The following ACSM3 variants were observed in gnomAD, a reference collection of about 807,000 sequenced individuals.
ACSM3 encodes the protein acyl-CoA synthetase medium chain family member 3.
A neutral mutation model predicts 74.1 loss-of-function variants in ACSM3; 61 were observed. The ratio of observed to expected loss-of-function variants is 0.82; its 90% CI spans 0.67 to 1.02. ACSM3 has a LOEUF of 1.02. Ranked by LOEUF, ACSM3 falls within the 50% of genes least tolerant of loss-of-function variation. The pLI is 0.00. For missense variants in ACSM3, 660 were observed against 697.0 expected (o/e 0.95, Z 0.60); for synonymous variants, 213 against 241.5 (o/e 0.88, Z 1.09).
Position 20,790,710 on chromosome 16 carries a change from C to A in ACSM3, c.1326+22C>A, listed in dbSNP as rs369238355. On this transcript the variant is annotated intron_variant, in intron 10 of 13. Transcript: ENST00000289416. The surrounding 1 kb of genome is among the most constrained non-coding windows in gnomAD (Gnocchi z 4.0). ...CGTAGTAAGTGACTTACTAAATAATCTCATTTTCTATTTATTTCTCAAGTG... is the reference window on the plus strand; with the variant it reads ...CGTAGTAAGTGACTTACTAAATAATATCATTTTCTATTTATTTCTCAAGTG... 1.9e-6 allele frequency: 3 copies of A among 1,613,840 alleles called. No homozygotes were observed. In the African/African-American group the frequency reaches 4.0e-5, roughly 22 times the overall value.
intron 2 of ACSM3, among the ~76,000 whole-genome samples, chr16:20,753,020 C>T (rs900893672): frequency 8.6e-5 from 13 of 151,524 alleles, no homozygotes; most frequent in South Asian, 2.1e-4. Flanking sequence ...AGGACAATGC[C>T]GTATGTTCTA....
chr16:20,705,615 A>T (rs2079725232), intron 1 of ACSM3, among the ~76,000 whole-genome samples: 1 of 152,164 alleles, frequency 6.6e-6, no homozygotes. Flanking sequence ...AAATGAATAA[A>T]CAAAACAAAA....
At chr16:20,775,188 G>C (rs2080241160) in intron 2 of ACSM3, among the ~76,000 whole-genome samples, 1 of 152,124 alleles carries the variant, frequency 6.6e-6, no homozygotes, top group African/African-American at 2.4e-5. Flanking sequence ...TGGAGATGCA[G>C]GGGCAATTGG....
intron 1 of ACSM3, chr16:20,729,581 C>G: frequency 5.4e-6 from 2 of 370,276 alleles, no homozygotes; most frequent in African/African-American, 2.1e-5. Flanking sequence ...ATTAAAGTAG[C>G]AACTTTATAT....
chr16:20,779,564 T>C (rs1388531078), intron 4 of ACSM3, among the ~76,000 whole-genome samples: 1 of 152,112 alleles, frequency 6.6e-6, no homozygotes, highest in Non-Finnish European at 1.5e-5. Flanking sequence ...AGACACTTGA[T>C]ATGTATGTGT....
intron 1 of ACSM3, among the ~76,000 whole-genome samples, chr16:20,699,649 G>A (rs1238235669): frequency 6.6e-6 from 1 of 152,110 alleles, no homozygotes; most frequent in African/African-American, 2.4e-5. Context: ...GAAAAGAATG[G>A]AGACGGGGGA....
At chr16:20,728,876 G>A (rs2079816353) in intron 1 of ACSM3, among the ~76,000 whole-genome samples, 1 of 152,288 alleles carries the variant, frequency 6.6e-6, no homozygotes, top group South Asian at 2.1e-4. Flanking sequence ...GGAGGCTGAG[G>A]TGGGAGGGTG....
chr16:20,695,078 G>A (rs137933301), intron 1 of ACSM3, among the ~76,000 whole-genome samples: 5 of 152,262 alleles, frequency 3.3e-5, no homozygotes, highest in African/African-American at 7.2e-5. Flanking sequence ...AAGAAGAAAT[G>A]ACTTTGGCAT....
At chr16:20,774,281 CA>C (rs572012236) in intron 2 of ACSM3, among the ~76,000 whole-genome samples, 1,350 of 133,304 alleles carry the variant, frequency 0.01, 27 homozygotes, top group African/African-American at 0.036. Context: ...CTCACTCTGT[CA>C]CCAGGCTGGA....
At chr16:20,733,744 A>G (rs2079845641) in intron 1 of ACSM3, 1 of 152,136 alleles carries the variant, frequency 6.6e-6, no homozygotes, top group South Asian at 2.1e-4. Flanking sequence ...TGGCCGTACC[A>G]AAAGCAAAAT....
At chr16:20,680,232 C>T (rs572424755) in intron 1 of ACSM3, 1 of 152,216 alleles carries the variant, frequency 6.6e-6, no homozygotes. Context: ...ACAGGACAGA[C>T]AGCACTATAA....
intron 1 of ACSM3, among the ~76,000 whole-genome samples, chr16:20,687,696 C>A (rs535832363): frequency 1.3e-5 from 2 of 148,684 alleles, no homozygotes; most frequent in African/African-American, 5.0e-5. Flanking sequence ...GCTCAAAGAG[C>A]TAAAGGAAAC....
chr16:20,720,680 C>T (rs2079782223), intron 1 of ACSM3, among the ~76,000 whole-genome samples: 1 of 152,126 alleles, frequency 6.6e-6, no homozygotes. Flanking sequence ...TTACAAAGTG[C>T]CCTAAAGTTG....
intron 1 of ACSM3, among the ~76,000 whole-genome samples, chr16:20,722,716 C>A (rs983224982): frequency 6.6e-6 from 1 of 152,070 alleles, no homozygotes; most frequent in Non-Finnish European, 1.5e-5. Context: ...TAACTTGCAG[C>A]CCTGAGGAAG....
At chr16:20,775,432 C>A (rs1483693093) in intron 2 of ACSM3, among the ~76,000 whole-genome samples, 2 of 152,146 alleles carry the variant, frequency 1.3e-5, no homozygotes, top group African/African-American at 4.8e-5. Context: ...GGAATGTGTA[C>A]TGCTGAGGAT....
At chr16:20,684,941 G>T (rs1048500230) in intron 1 of ACSM3, among the ~76,000 whole-genome samples, 1 of 152,168 alleles carries the variant, frequency 6.6e-6, no homozygotes, top group African/African-American at 2.4e-5. Flanking sequence ...AAGAGAATTT[G>T]TGAGGGAGTA....
chr16:20,685,078 G>T, intron 1 of ACSM3: 4 of 1,091,008 alleles, frequency 3.7e-6, no homozygotes, highest in Non-Finnish European at 4.1e-6. Context: ...AGAAACTGGG[G>T]CGAAGGCTTC....
chr16:20,752,165 G>T (rs890824404), intron 2 of ACSM3, among the ~76,000 whole-genome samples: 2 of 152,006 alleles, frequency 1.3e-5, no homozygotes, highest in African/African-American at 2.4e-5. Context: ...TCTCCAGCCT[G>T]GGCGACAGAG....
At chr16:20,682,249 G>A in intron 1 of ACSM3, 1 of 1,611,936 alleles carries the variant, frequency 6.2e-7, no homozygotes, top group Non-Finnish European at 8.5e-7. Context: ...TCAGACCAGA[G>A]ACTCACTTAA....
Sources: gnomAD v4.1 joint callset for allele counts (sites outside exome capture counted in the v4.1 genomes callset) on GRCh38, gnomAD v4.1.1 for gene constraint, Gnocchi (gnomAD v3.1) non-coding constraint, MANE v1.5 for transcripts, NCBI Gene and HGNC (gene_info 2026-07-23, HGNC 2026-07-21) for gene names.